The following MTMR9 variants were observed in gnomAD, a reference collection of about 807,000 sequenced individuals.
The protein encoded by MTMR9 is myotubularin-related protein 9.
A neutral mutation model predicts 69.5 loss-of-function variants in MTMR9; 39 were observed. The ratio of observed to expected loss-of-function variants is 0.56; its 90% confidence interval spans 0.43 to 0.73. The LOEUF is 0.73. Among genes scored for constraint, MTMR9 ranks in the 30% least tolerant of loss-of-function variants. The pLI is 0.00. For missense variants in MTMR9, 900 were observed against 671.2 expected (o/e 1.34, Z -3.77); for synonymous variants, 354 against 240.8 (o/e 1.47, Z -4.35).
Position 11,284,839 on chromosome 8 carries a change from C to G in MTMR9, c.-50C>G, listed in dbSNP as rs761596737. The G allele has an allele frequency of 4.7e-6, 7 of 1,492,834 alleles. 1 individual carries two copies. Among genetic ancestry groups the G allele is most frequent in the Non-Finnish European group, 6.3e-6 (7 of 1,110,902 alleles). 92.5% of individuals were successfully genotyped at this position (1,492,834 alleles called of 1,614,324 possible). On this transcript the variant is annotated 5_prime_UTR_variant, in exon 1 of 10. Coordinates refer to ENST00000221086, the MANE Select transcript of MTMR9 (RefSeq NM_015458.4). ...CCGCTACTTCCCTGCGGCGGGGTAA[C>G]CGCCTCGCACCTACCGGGCTCGGTT...
rs765142724 is a variant in MTMR9, at chr8:11,319,871, G to A, written c.1486+33G>A. On this transcript the variant is annotated intron_variant, in intron 9 of 9. Transcript: ENST00000221086. ...ACGCATCCTTTGCAAACTTCTTAAC[G>A]GTCAGGTGTGCATGCGGCTGCCTGT... The A allele has an allele frequency of 2.2e-5, 36 of 1,610,562 alleles. No homozygotes were observed. The South Asian group carries it at 3.1e-4, about 14-fold the overall frequency.
intron 9 of MTMR9, chr8:11,320,803 C>T: frequency 6.6e-6 from 1 of 152,214 alleles, no homozygotes; most frequent in Non-Finnish European, 1.5e-5. Context: ...AACAAAGCCT[C>T]TAAAATACCA....
chr8:11,296,686 C>G (rs1799574388), intron 2 of MTMR9, among the ~76,000 whole-genome samples: 3 of 152,144 alleles, frequency 2.0e-5, no homozygotes, highest in Non-Finnish European at 2.9e-5. Context: ...AATATCCTCA[C>G]AGTTCATCTG....
At chr8:11,295,984 C>CT (rs1221934365) in intron 2 of MTMR9, among the ~76,000 whole-genome samples, 1 of 152,058 alleles carries the variant, frequency 6.6e-6, no homozygotes, top group African/African-American at 2.4e-5. Flanking sequence ...AGGTTAGCAG[C>CT]TAGAAGTGGA....
At chr8:11,333,988 G>T in the MTMR9 span, among the ~76,000 whole-genome samples, 6 of 152,162 alleles carry the variant, frequency 3.9e-5, no homozygotes, top group Non-Finnish European at 7.3e-5. Context: ...ATGGAAGTGG[G>T]TTCCTGATAA....
chr8:11,289,409 T>G (rs1336677043), intron 1 of MTMR9, among the ~76,000 whole-genome samples: 2 of 152,194 alleles, frequency 1.3e-5, no homozygotes, highest in Non-Finnish European at 2.9e-5. Context: ...TGGAATACTT[T>G]CATATATATC....
At chr8:11,298,014 T>A in intron 2 of MTMR9, 2 of 446,268 alleles carry the variant, frequency 4.5e-6, no homozygotes, top group South Asian at 3.2e-5. Context: ...TAGGAGTCCG[T>A]ATACTCAAAT....
intron 1 of MTMR9, among the ~76,000 whole-genome samples, chr8:11,286,818 C>T (rs565558907): frequency 6.6e-6 from 1 of 152,164 alleles, no homozygotes; most frequent in Admixed American, 6.5e-5. Flanking sequence ...CTTGCACTTG[C>T]TTTCATGAAC....
At chr8:11,332,208 A>T, downstream of MTMR9, 1 of 1,501,088 alleles carries the variant, frequency 6.7e-7, no homozygotes, top group Non-Finnish European at 8.9e-7. Context: ...AAAAGAAAAA[A>T]AATAATTATA....
At chr8:11,298,044 A>G (rs985067461) in intron 2 of MTMR9, 1 of 411,458 alleles carries the variant, frequency 2.4e-6, no homozygotes, top group Admixed American at 2.5e-5. Context: ...TGCCTCACGT[A>G]GAATCCCATT....
At chr8:11,316,069 G>C (rs1471369669) in intron 7 of MTMR9, 1 of 152,220 alleles carries the variant, frequency 6.6e-6, no homozygotes, top group East Asian at 1.9e-4. Flanking sequence ...GTCAGTAGAT[G>C]GCAGACTCTT....
intron 2 of MTMR9, 65 bp downstream of exon 2, chr8:11,295,367 C>G (rs980386453): frequency 1.1e-6 from 1 of 919,786 alleles, no homozygotes; most frequent in African/African-American, 1.7e-5. Context: ...TGTAGCTCTT[C>G]CATTTCTTCA....
chr8:11,288,498 A>G (rs1447785587), intron 1 of MTMR9, among the ~76,000 whole-genome samples: 4 of 151,794 alleles, frequency 2.6e-5, no homozygotes, highest in African/African-American at 9.7e-5. Flanking sequence ...ACCGGAATGA[A>G]ATGAGGAAGC....
At position 11,285,008 on chromosome 8, in the gene MTMR9, C is replaced by T. The variant is rs767906054; in HGVS notation, c.120C>T (p.Ser40=). The change falls in exon 1 of 10, where the codon TCC becomes TCT. Residue 40 remains serine (S), a synonymous_variant. Coordinates refer to ENST00000221086, the MANE Select transcript of MTMR9 (RefSeq NM_015458.4). ...CLTGHHLILS[S]RQDNTEELWL... ...CGGGCCACCACTTGATCCTGTCCTCCCGGCAGGACAATACGGAGGAGCTGT... is the reference window on the plus strand; with the variant it reads ...CGGGCCACCACTTGATCCTGTCCTCTCGGCAGGACAATACGGAGGAGCTGT... 53 of 1,613,392 alleles carry T rather than the reference C, an allele frequency of 3.3e-5. No individual in the cohort carries two copies. Among genetic ancestry groups the T allele is most frequent in the Non-Finnish European group, 4.5e-5 (53 of 1,179,818 alleles).
intron 3 of MTMR9, among the ~76,000 whole-genome samples, chr8:11,300,942 G>A (rs534744000): frequency 1.3e-5 from 2 of 152,258 alleles, no homozygotes; most frequent in South Asian, 2.1e-4. Context: ...AGCTTTGCAG[G>A]TCATGTGGTC....
chr8:11,306,208 C>T lies in MTMR9; in HGVS notation c.610C>T (p.Gln204Ter). 1 of 1,613,030 alleles carries T rather than the reference C, an allele frequency of 6.2e-7. No homozygotes were observed. The highest frequency in any genetic ancestry group is 8.5e-7 in the Non-Finnish European group (1 of 1,179,878). Residue 204 changes from glutamine (Q) to a stop codon, truncating the protein, a stop_gained, in exon 5 of 10, where the codon CAG (glutamine) becomes TAG (stop). Coordinates refer to ENST00000221086, the MANE Select transcript of MTMR9 (RefSeq NM_015458.4). LOFTEE classifies it high-confidence loss of function. ...CTTCTAGGTAATTATGCGAAGTGGT[C>T]AGCCACTCACTGGTACAAACGGGAG... The part of the protein sequence containing the change: ...KNGMVIMRSG[Q>*]PLTGTNGRRC...
chr8:11,288,198 AATT>A (rs1281695524), intron 1 of MTMR9, among the ~76,000 whole-genome samples: 2 of 138,078 alleles, frequency 1.4e-5, no homozygotes, highest in African/African-American at 2.7e-5. Context: ...TAATACATGT[AATT>A]ATTATATATA....
At chr8:11,319,609 A>G in intron 8 of MTMR9, 78 bp from the exon 9 acceptor site, 1 of 1,424,112 alleles carries the variant, frequency 7.0e-7, no homozygotes, top group South Asian at 1.2e-5. Context: ...CTGAGAAGAA[A>G]TTGTCCTCGT....
chr8:11,290,191 T>G (rs1799331619), intron 1 of MTMR9, among the ~76,000 whole-genome samples: 1 of 152,258 alleles, frequency 6.6e-6, no homozygotes, highest in African/African-American at 2.4e-5. Flanking sequence ...AATTTGAATT[T>G]CATTAATTAT....
Sources: gnomAD v4.1 joint callset for allele counts (sites outside exome capture counted in the v4.1 genomes callset) on GRCh38, gnomAD v4.1.1 for gene constraint, MANE v1.5 for transcripts, NCBI Gene and HGNC (gene_info 2026-07-23, HGNC 2026-07-21) for gene names.